The following RCBTB2 variants were observed in gnomAD, a reference collection of about 807,000 sequenced individuals.
The protein encoded by RCBTB2 is RCC1 and BTB domain containing protein 2.
In RCBTB2, 55 loss-of-function variants were observed where a neutral mutation model predicts 65.4. That is an observed-to-expected ratio of 0.84 (90% CI 0.68 to 1.05). RCBTB2 has a LOEUF of 1.05. Ranked by LOEUF, RCBTB2 falls within the 50% of genes least tolerant of loss-of-function variation. The pLI, the probability that RCBTB2 is intolerant of heterozygous loss-of-function variation, is 0.00. For synonymous variants in RCBTB2, 220 were observed against 255.2 expected (o/e 0.86, Z 1.31); for missense variants, 599 against 680.1 (o/e 0.88, Z 1.33).
At chr13:48,493,315 A>ACACT (rs759504798) in intron 14 of RCBTB2, among the ~76,000 whole-genome samples, 57 of 75,078 alleles carry the variant, frequency 7.6e-4, no homozygotes, top group Admixed American at 3.1e-3. Context: ...ACACACACAC[A>ACACT]CTCTCTCTCT....
upstream of RCBTB2, among the ~76,000 whole-genome samples, chr13:48,533,680 T>C (rs1368437986): frequency 2.0e-5 from 3 of 152,212 alleles, no homozygotes; most frequent in Non-Finnish European, 4.4e-5. Flanking sequence ...CCTTCTCCCC[T>C]TATGATTATA....
intron 4 of RCBTB2, among the ~76,000 whole-genome samples, chr13:48,520,606 C>A (rs1951365734): frequency 2.6e-5 from 4 of 152,106 alleles, no homozygotes; most frequent in Admixed American, 2.6e-4. Flanking sequence ...TTAATATTAG[C>A]TCAAGGAAAA....
Position 48,510,592 on chromosome 13 carries a change from A to C in RCBTB2, c.926+37T>G, listed in dbSNP as rs1300853038. On this transcript the variant is annotated intron_variant, in intron 10 of 14. Transcript: ENST00000344532. ...AAGTCCTGTTTAATCACAATCACCA[A>C]AGACCAGTGTGGGGACTGTGAAAAT... 3.7e-6 allele frequency: 6 copies of C among 1,604,672 alleles called. No homozygotes were observed. The Admixed American group carries it at 1.0e-4, about 27-fold the overall frequency.
chr13:48,498,661 C>T (rs900011310), intron 13 of RCBTB2, among the ~76,000 whole-genome samples: 6 of 151,830 alleles, frequency 4.0e-5, no homozygotes, highest in African/African-American at 7.3e-5. Context: ...AACCGGGAGG[C>T]GGAGGTTGTG....
At chr13:48,512,958 T>C in intron 6 of RCBTB2, 63 bp from the exon 7 acceptor site, 2 of 1,318,824 alleles carry the variant, frequency 1.5e-6, no homozygotes, top group Admixed American at 4.2e-5. Context: ...CGAAAATATA[T>C]GTAGCACAGC....
intron 10 of RCBTB2, among the ~76,000 whole-genome samples, chr13:48,505,962 T>C (rs1950483147): frequency 6.6e-6 from 1 of 152,122 alleles, no homozygotes. Context: ...GAGAGAGAAG[T>C]CCAGATCTGT....
chr13:48,526,486 T>G (rs1234514976), intron 1 of RCBTB2, among the ~76,000 whole-genome samples: 1 of 151,922 alleles, frequency 6.6e-6, no homozygotes, highest in Non-Finnish European at 1.5e-5. Flanking sequence ...CGGTGAACCA[T>G]GATCACACCA....
intron 1 of RCBTB2, among the ~76,000 whole-genome samples, chr13:48,527,337 G>GATATATATATATATC (rs1174299074): frequency 8.9e-6 from 1 of 112,164 alleles, no homozygotes; most frequent in South Asian, 2.5e-4. Context: ...ATATATATAT[G>GATATATATATATATC]ATATATATAT....
intron 9 of RCBTB2, 97 bp downstream of exon 9, chr13:48,511,673 C>T: frequency 3.7e-6 from 4 of 1,078,898 alleles, no homozygotes; most frequent in Non-Finnish European, 5.3e-6. Flanking sequence ...AGCAGCTAAA[C>T]TTTTCATCCT....
intron 10 of RCBTB2, among the ~76,000 whole-genome samples, chr13:48,503,604 CAATCTTG>C (rs1176330771): frequency 6.6e-6 from 1 of 151,970 alleles, no homozygotes; most frequent in Admixed American, 6.6e-5. Context: ...TGCAGTGGCA[CAATCTTG>C]GATCTTGGCT....
chr13:48,504,969 T>G (rs1950421535), intron 10 of RCBTB2, among the ~76,000 whole-genome samples: 1 of 151,654 alleles, frequency 6.6e-6, no homozygotes, highest in Non-Finnish European at 1.5e-5. Context: ...CCAAAAATAC[T>G]AGAGGAAAAA....
intron 10 of RCBTB2, among the ~76,000 whole-genome samples, chr13:48,508,708 T>G (rs1439724684): frequency 6.6e-6 from 1 of 152,206 alleles, no homozygotes; most frequent in Non-Finnish European, 1.5e-5. Flanking sequence ...CATCCATGAT[T>G]TTTATAACCA....
At chr13:48,500,335 G>A (rs961614271) in intron 12 of RCBTB2, among the ~76,000 whole-genome samples, 3 of 152,150 alleles carry the variant, frequency 2.0e-5, no homozygotes, top group Admixed American at 2.0e-4. Flanking sequence ...CGAGGCGGGT[G>A]GATCACGAGG....
At chr13:48,499,785 G>A (rs1186177985) in intron 12 of RCBTB2, 25 bp from the exon 13 acceptor site, 1 of 1,613,668 alleles carries the variant, frequency 6.2e-7, no homozygotes, top group South Asian at 1.1e-5. Flanking sequence ...CAGTATGTCA[G>A]GTCCTAGCTT....
chr13:48,502,367 T>C (rs1026342181), intron 11 of RCBTB2, among the ~76,000 whole-genome samples: 6 of 151,984 alleles, frequency 3.9e-5, no homozygotes, highest in Admixed American at 3.3e-4. Context: ...GTAATGGGTA[T>C]GTATAGTCCC....
At chr13:48,497,409 A>G (rs1950030982) in intron 13 of RCBTB2, among the ~76,000 whole-genome samples, 1 of 152,178 alleles carries the variant, frequency 6.6e-6, no homozygotes, top group Admixed American at 6.5e-5. Flanking sequence ...ATGTAAATTA[A>G]TTTTAATCTA....
rs1305822705 is a variant in RCBTB2 at position 48,511,807 on chromosome 13, C to CAAGGGGTTG, written c.737_745dup (p.Pro248_Cys249insSerThrPro). ...GATGCCTTGCAAAGCTGCCACTCTG[C>CAAGGGGTTG]AAGGGGTTGGCTGGTTGCCACTGTT... On this transcript the variant is annotated inframe_insertion, in exon 9 of 15. Coordinates refer to ENST00000344532, the MANE Select transcript of RCBTB2 (RefSeq NM_001268.4). The CAAGGGGTTG allele has an allele frequency of 6.2e-7, 1 of 1,614,074 alleles. No individual in the cohort carries two copies. The highest frequency in any genetic ancestry group is 1.3e-5 in the African/African-American group (1 of 74,912).
chr13:48,512,283 A>C (rs1436691462), intron 7 of RCBTB2, 109 bp from the exon 8 acceptor site: 5 of 903,440 alleles, frequency 5.5e-6, no homozygotes, highest in Non-Finnish European at 8.6e-6. Flanking sequence ...AGTGCTTCAC[A>C]TTCATAAATC....
At position 48,489,813 on chromosome 13, in the gene RCBTB2, C is replaced by CT. The variant is rs1949621950; in HGVS notation, c.*297dup. The CT allele has an allele frequency of 2.3e-5, 9 of 388,540 alleles. No homozygotes were observed. The highest frequency in any genetic ancestry group is 2.3e-4 in the South Asian group (9 of 39,962). The allele number at this position is 388,540 out of a possible 1,614,324, so 24.1% of individuals were successfully genotyped here. On this transcript the variant is annotated 3_prime_UTR_variant, in exon 15 of 15. Transcript: ENST00000344532. The stretch of plus-strand genomic sequence containing the variant: ...AACATTTGGGCCAGAATAGCATATA[C>CT]TGAGACCAGGGTACCAAAGGTGTCC...
Sources: gnomAD v4.1 joint callset for allele counts (sites outside exome capture counted in the v4.1 genomes callset) on GRCh38, gnomAD v4.1.1 for gene constraint, MANE v1.5 for transcripts, NCBI Gene and HGNC (gene_info 2026-07-23, HGNC 2026-07-21) for gene names.